The following CNTNAP2 variants were observed in gnomAD, a reference collection of about 807,000 sequenced individuals.
CNTNAP2 encodes contactin associated protein 2.
In CNTNAP2, 98 loss-of-function variants were observed where a neutral mutation model predicts 155.2. That is an observed-to-expected ratio of 0.63 (90% CI 0.54 to 0.75). The LOEUF (loss-of-function observed/expected upper bound fraction) is 0.75. CNTNAP2 is among the 30% of genes least tolerant of loss of function. CNTNAP2 has a pLI of 0.00. For missense variants in CNTNAP2, 1,727 were observed against 1,688.1 expected (o/e 1.02, Z -0.40); for synonymous variants, 651 against 631.2 (o/e 1.03, Z -0.47).
intron 22 of CNTNAP2, among the ~76,000 whole-genome samples, chr7:148,395,188 T>A (rs1218993022): frequency 6.8e-6 from 1 of 147,692 alleles, no homozygotes; most frequent in Non-Finnish European, 1.5e-5. Flanking sequence ...AGCTCTTAGA[T>A]TTATTTGTCA....
intron 15 of CNTNAP2, among the ~76,000 whole-genome samples, chr7:148,048,027 C>A (rs1802804906): frequency 6.6e-6 from 1 of 152,054 alleles, no homozygotes; most frequent in African/African-American, 2.4e-5. Context: ...AGGTTCACGC[C>A]ATTCTCCTGC....
intron 12 of CNTNAP2, among the ~76,000 whole-genome samples, chr7:147,610,461 T>A (rs1801161371): frequency 6.6e-6 from 1 of 152,156 alleles, no homozygotes; most frequent in South Asian, 2.1e-4. Flanking sequence ...CCTCACTGCA[T>A]TTGCTGTTCT....
At chr7:147,945,954 G>A (rs2952824) in intron 14 of CNTNAP2, among the ~76,000 whole-genome samples, 32,049 of 143,052 alleles carry the variant, frequency 0.22, 3,732 homozygotes, top group Middle Eastern at 0.35. Flanking sequence ...GGCAACCTCC[G>A]CCTCCCAGGT....
intron 3 of CNTNAP2, among the ~76,000 whole-genome samples, chr7:146,899,661 C>T (rs142805557): frequency 1.5e-4 from 23 of 152,228 alleles, no homozygotes; most frequent in Non-Finnish European, 2.4e-4. Context: ...GATAGGCTCA[C>T]GGAAGAAGAA....
At chr7:146,126,031 G>T (rs1270153452) in intron 1 of CNTNAP2, among the ~76,000 whole-genome samples, 1 of 152,118 alleles carries the variant, frequency 6.6e-6, no homozygotes, top group Non-Finnish European at 1.5e-5. Flanking sequence ...CTCTTTATGT[G>T]TACTAGGTCA....
intron 3 of CNTNAP2, among the ~76,000 whole-genome samples, chr7:146,850,803 C>G (rs1289783294): frequency 6.6e-6 from 1 of 151,752 alleles, no homozygotes; most frequent in East Asian, 1.9e-4. Flanking sequence ...AAAAACTAAA[C>G]TAAACTAATC....
intron 21 of CNTNAP2, among the ~76,000 whole-genome samples, chr7:148,381,229 C>T (rs1799053305): frequency 6.6e-6 from 1 of 152,210 alleles, no homozygotes; most frequent in African/African-American, 2.4e-5. Context: ...GTATCAACAG[C>T]TCAGTGGCTT....
intron 11 of CNTNAP2, among the ~76,000 whole-genome samples, chr7:147,491,797 G>A (rs183914941): frequency 1.5e-4 from 23 of 152,198 alleles, no homozygotes; most frequent in African/African-American, 4.8e-4. Context: ...ATAGAATCAA[G>A]TCCAATAACA....
intron 21 of CNTNAP2, among the ~76,000 whole-genome samples, chr7:148,268,253 G>A (rs1397435235): frequency 4.6e-5 from 7 of 152,098 alleles, no homozygotes; most frequent in Admixed American, 1.3e-4. Context: ...GTCACTCGGC[G>A]GCCAGTGTGT....
chr7:146,309,332 TA>T (rs1800778285), intron 1 of CNTNAP2, among the ~76,000 whole-genome samples: 1 of 151,978 alleles, frequency 6.6e-6, no homozygotes, highest in Non-Finnish European at 1.5e-5. Context: ...GGGTCTCTGT[TA>T]GGGGGTATGA....
intron 14 of CNTNAP2, among the ~76,000 whole-genome samples, chr7:147,908,903 A>G (rs923021171): frequency 1.3e-5 from 2 of 152,228 alleles, no homozygotes; most frequent in African/African-American, 4.8e-5. Context: ...GATCTAAGTC[A>G]GGATATTTCA....
intron 11 of CNTNAP2, among the ~76,000 whole-genome samples, chr7:147,557,226 T>C (rs889071626): frequency 3.3e-5 from 5 of 151,566 alleles, no homozygotes; most frequent in African/African-American, 1.2e-4. Context: ...ATTGCACCAC[T>C]GCACTCCAGC....
rs1279190274 is a variant in CNTNAP2 at position 148,062,046 on chromosome 7, T to A, written c.2384-56072T>A. Among the ~76,000 whole-genome samples the A allele has an allele frequency of 2.2e-4, 33 of 149,960 alleles. No homozygotes were observed. In the East Asian group the frequency reaches 2.6e-3, roughly 12 times the overall value. Reference sequence around the variant, plus strand: ...GAGAGAGAGTGTGTGTGTGTGTGTGTGTGTGTGTGTGTGTGTGTGTGTGTG... The same window carrying A: ...GAGAGAGAGTGTGTGTGTGTGTGTGAGTGTGTGTGTGTGTGTGTGTGTGTG... On this transcript the variant is annotated intron_variant, in intron 15 of 23. Transcript: ENST00000361727.
intron 4 of CNTNAP2, among the ~76,000 whole-genome samples, chr7:147,058,358 T>C (rs1752600619): frequency 6.6e-6 from 1 of 152,206 alleles, no homozygotes; most frequent in African/African-American, 2.4e-5. Context: ...TCTCTAATAT[T>C]CTATTATAGA....
intron 2 of CNTNAP2, among the ~76,000 whole-genome samples, chr7:146,831,404 C>T (rs1000257790): frequency 2.0e-5 from 3 of 152,008 alleles, no homozygotes; most frequent in African/African-American, 4.8e-5. Context: ...ACAGGCCAGG[C>T]GTGGTGGCTC....
chr7:147,677,529 C>T (rs1194431021), intron 13 of CNTNAP2, among the ~76,000 whole-genome samples: 2 of 151,784 alleles, frequency 1.3e-5, no homozygotes, highest in African/African-American at 4.8e-5. Flanking sequence ...TTGATGCAGT[C>T]CTATTTGTCT....
At chr7:146,824,862 G>GTTTTTTTTTTTTTTTTTTT (rs370961669) in intron 2 of CNTNAP2, among the ~76,000 whole-genome samples, 1 of 143,658 alleles carries the variant, frequency 7.0e-6, no homozygotes, top group Non-Finnish European at 1.5e-5. Context: ...TTTTGGACCT[G>GTTTTTTTTTTTTTTTTTTT]TTTTTTTTTT....
chr7:146,599,743 GAGATAGAT>G (rs60717424), intron 1 of CNTNAP2, among the ~76,000 whole-genome samples: 15 of 145,594 alleles, frequency 1.0e-4, no homozygotes, highest in South Asian at 6.8e-4. Context: ...ACGACAGACA[GAGATAGAT>G]AGATAGATAG....
Position 148,074,646 on chromosome 7 carries a change from C to G in CNTNAP2, c.2384-43472C>G, listed in dbSNP as rs181841993. Among the ~76,000 whole-genome samples the G allele has an allele frequency of 1.8e-3, 274 of 151,822 alleles. 1 individual carries two copies. The highest frequency in any genetic ancestry group is 6.8e-3 in the Middle Eastern group (2 of 294). On this transcript the variant is annotated intron_variant, in intron 15 of 23. Coordinates refer to ENST00000361727, the MANE Select transcript of CNTNAP2 (RefSeq NM_014141.6). Reference sequence around the variant, plus strand: ...GAGGTTGCAGTGAGCCGAGATTGCGCCACTGCACTCCAGCCGGGGCAAAAG... The same window carrying G: ...GAGGTTGCAGTGAGCCGAGATTGCGGCACTGCACTCCAGCCGGGGCAAAAG...
Sources: gnomAD v4.1 joint callset for allele counts (sites outside exome capture counted in the v4.1 genomes callset) on GRCh38, gnomAD v4.1.1 for gene constraint, MANE v1.5 for transcripts, NCBI Gene and HGNC (gene_info 2026-07-23, HGNC 2026-07-21) for gene names.